Variants in ITIH5 observed in about 807,000 individuals in gnomAD.
ITIH5 encodes inter-alpha-trypsin inhibitor heavy chain H5.
In ITIH5, 65 loss-of-function variants were observed where a neutral mutation model predicts 77.5. The ratio of observed to expected loss-of-function variants is 0.84; its 90% CI spans 0.69 to 1.03. ITIH5 has a LOEUF of 1.03. Among genes scored for constraint, ITIH5 ranks in the 50% least tolerant of loss-of-function variants. ITIH5 has a pLI of 0.00. For synonymous variants in ITIH5, 525 were observed against 494.3 expected, an observed-to-expected ratio of 1.06 and a Z score of -0.82; for missense variants, 1,208 against 1,213.1, an observed-to-expected ratio of 1.00 and a Z score of 0.06.
intron 5 of ITIH5, chr10:7,618,691 T>C (rs1276591686): frequency 1.3e-5 from 2 of 152,224 alleles, no homozygotes; most frequent in Admixed American, 6.5e-5. Flanking sequence ...CTCAAGTTGA[T>C]AGCATGAAAT....
rs1394875042 is a variant in ITIH5, at chr10:7,624,798, A to AATATATATATATATATACAC, written c.653-7517_653-7516insGTGTATATATATATATATAT. On this transcript the variant is annotated intron_variant, in intron 5 of 13. Transcript: ENST00000397146. ...GAGACTCTGCCTAAAAAAAAAAAAAAATATATATATATATACACATATATA... is the reference window on the plus strand; with the variant it reads ...GAGACTCTGCCTAAAAAAAAAAAAAAATATATATATATATATACACATATATATATATATACACATATATA... 8.3e-4 allele frequency among the ~76,000 whole-genome samples: 51 copies of AATATATATATATATATACAC among 61,810 alleles called. 2 individuals are homozygous for AATATATATATATATATACAC. Among genetic ancestry groups the AATATATATATATATATACAC allele is most frequent in the Middle Eastern group, 9.3e-3 (1 of 108 alleles). The allele number at this position is 61,810 out of a possible 152,430, so 40.5% of individuals were successfully genotyped here.
chr10:7,660,182 A>C (rs1834253800), intron 1 of ITIH5, among the ~76,000 whole-genome samples: 1 of 152,228 alleles, frequency 6.6e-6, no homozygotes, highest in African/African-American at 2.4e-5. Context: ...ATTTTCAAAA[A>C]TATATATGCT....
intron 7 of ITIH5, among the ~76,000 whole-genome samples, chr10:7,589,708 G>A (rs910466852): frequency 2.0e-5 from 3 of 151,750 alleles, no homozygotes; most frequent in African/African-American, 4.8e-5. Flanking sequence ...TGACTGCAGC[G>A]GTTTCCCGTC....
Position 7,560,440 on chromosome 10 carries a change from C to T in ITIH5, c.*2643G>A, listed in dbSNP as rs1325331822. 6.6e-6 allele frequency: 1 copy of T among 152,248 alleles called. No homozygotes were observed. The highest frequency in any genetic ancestry group is 2.4e-5 in the African/African-American group (1 of 41,446). 9.4% of individuals were successfully genotyped at this position (152,248 alleles called of 1,614,324 possible). A position where few individuals can be genotyped will look rare whatever the true frequency, so the allele number is the denominator to read the frequency against. ...AGAGGTGCCCACTCCGATTCCCAGT[C>T]CCCGGCCTCCTCAGCACAGCTGTGG... On this transcript the variant is annotated 3_prime_UTR_variant, in exon 14 of 14. Coordinates refer to ENST00000397146, the MANE Select transcript of ITIH5 (RefSeq NM_030569.7).
At chr10:7,649,515 T>C (rs746780972) in intron 2 of ITIH5, among the ~76,000 whole-genome samples, 47 of 117,564 alleles carry the variant, frequency 4.0e-4, no homozygotes, top group Middle Eastern at 0.011. Flanking sequence ...GATAGATAGA[T>C]AGATGGATAG....
intron 7 of ITIH5, among the ~76,000 whole-genome samples, chr10:7,599,689 G>A (rs562770112): frequency 6.6e-6 from 1 of 152,152 alleles, no homozygotes; most frequent in East Asian, 1.9e-4. Flanking sequence ...CACAAACATC[G>A]AGAACATGAA....
intron 11 of ITIH5, chr10:7,571,272 C>T (rs904607825): frequency 2.0e-5 from 3 of 152,194 alleles, no homozygotes; most frequent in East Asian, 1.9e-4. Flanking sequence ...ACGCAGTTGT[C>T]TCTTGGTGTC....
intron 12 of ITIH5, among the ~76,000 whole-genome samples, chr10:7,566,838 GGAAGAGGAA>G (rs1832184780): frequency 1.9e-3 from 23 of 12,012 alleles, no homozygotes; most frequent in South Asian, 0.011. Flanking sequence ...AAGAGGAAGA[GGAAGAGGAA>G]GAAGAAGAAG....
At chr10:7,613,769 C>T (rs60597776) in intron 7 of ITIH5, among the ~76,000 whole-genome samples, 419 of 152,288 alleles carry the variant, frequency 2.8e-3, no homozygotes, top group African/African-American at 9.6e-3. Context: ...CGAAGAGACA[C>T]CTGAGAGGCC....
At chr10:7,572,438 A>G in intron 11 of ITIH5, 1 of 1,349,338 alleles carries the variant, frequency 7.4e-7, no homozygotes, top group Non-Finnish European at 9.8e-7. Flanking sequence ...TGCCTGTCAC[A>G]CCAGACATTT....
intron 7 of ITIH5, among the ~76,000 whole-genome samples, chr10:7,614,153 A>T (rs1833316123): frequency 6.6e-6 from 1 of 152,368 alleles, no homozygotes; most frequent in East Asian, 1.9e-4. Flanking sequence ...AATTATTTTT[A>T]AAAATACGCT....
At chr10:7,569,963 GA>G (rs1477717283) in intron 11 of ITIH5, 179 bp from the exon 12 acceptor site, 3 of 513,226 alleles carry the variant, frequency 5.8e-6, no homozygotes, top group Non-Finnish European at 1.0e-5. Context: ...CAACTCCCCA[GA>G]ATTACCCAGT....
chr10:7,586,572 G>A (rs958832591), intron 7 of ITIH5, among the ~76,000 whole-genome samples: 4 of 152,074 alleles, frequency 2.6e-5, no homozygotes, highest in East Asian at 1.9e-4. Context: ...TCCCTTACTC[G>A]GTTGTGAGTT....
intron 7 of ITIH5, among the ~76,000 whole-genome samples, chr10:7,588,486 C>CTCCACTGGG (rs1832726930): frequency 1.3e-5 from 2 of 152,344 alleles, no homozygotes; most frequent in Admixed American, 1.3e-4. Flanking sequence ...CCACTGCACT[C>CTCCACTGGG]TGCCTGGGTG....
chr10:7,628,039 C>G (rs2131056129), intron 5 of ITIH5, among the ~76,000 whole-genome samples: 1 of 152,068 alleles, frequency 6.6e-6, no homozygotes, highest in Non-Finnish European at 1.5e-5. Context: ...TGGGGTTTCG[C>G]CATGTTGGCC....
chr10:7,560,208 C>T lies in ITIH5; in HGVS notation c.*2875G>A, dbSNP rs73615783. The T allele has an allele frequency of 0.13, 21,304 of 161,538 alleles. 1,714 individuals carry two copies. Among genetic ancestry groups the T allele is most frequent in the African/African-American group, 0.23 (9,478 of 41,544 alleles). The allele number at this position is 161,538 out of a possible 1,614,324, so 10.0% of individuals were successfully genotyped here. A position where few individuals can be genotyped will look rare whatever the true frequency, so the allele number is the denominator to read the frequency against. On this transcript the variant is annotated 3_prime_UTR_variant, in exon 14 of 14. Coordinates refer to ENST00000397146, the MANE Select transcript of ITIH5 (RefSeq NM_030569.7). ...TCGTGAGGGCTCTGCCCTCAAGACC[C>T]AATAACCTTCCAAAGGTCCCAATTC...
At chr10:7,590,645 T>C (rs942284666) in intron 7 of ITIH5, among the ~76,000 whole-genome samples, 10 of 152,264 alleles carry the variant, frequency 6.6e-5, no homozygotes, top group Admixed American at 1.3e-4. Flanking sequence ...AGCATCCTCC[T>C]GCACGCATCC....
At chr10:7,602,890 C>T (rs1833043663) in intron 7 of ITIH5, among the ~76,000 whole-genome samples, 1 of 152,156 alleles carries the variant, frequency 6.6e-6, no homozygotes, top group Non-Finnish European at 1.5e-5. Context: ...ATAGTCACCA[C>T]TCTGGCTCAA....
At chr10:7,623,784 C>T (rs894761361) in intron 5 of ITIH5, among the ~76,000 whole-genome samples, 22 of 115,624 alleles carry the variant, frequency 1.9e-4, no homozygotes, top group African/African-American at 6.4e-4. Flanking sequence ...GCCTGGGCGA[C>T]AGAGTAAGAC....
Sources: gnomAD v4.1 joint callset for allele counts (sites outside exome capture counted in the v4.1 genomes callset) on GRCh38, gnomAD v4.1.1 for gene constraint, MANE v1.5 for transcripts, NCBI Gene and HGNC (gene_info 2026-07-23, HGNC 2026-07-21) for gene names.